Variants in ATRNL1 observed in about 807,000 individuals in gnomAD.
ATRNL1 encodes attractin like 1, also known as attractin-like protein 1.
A neutral mutation model predicts 182.7 loss-of-function variants in ATRNL1; 95 were observed. The observed-to-expected ratio is 0.52, with a 90% CI of 0.44 to 0.62. The LOEUF is 0.62. Ranked by LOEUF, ATRNL1 falls within the 20% of genes least tolerant of loss-of-function variation. ATRNL1 has a pLI of 0.00. For missense variants in ATRNL1, 1,471 were observed against 1,679.5 expected, an observed-to-expected ratio of 0.88 and a Z score of 2.17; for synonymous variants, 576 against 568.3, an observed-to-expected ratio of 1.01 and a Z score of -0.19.
At chr10:115,326,603 C>G (rs79972569) in intron 18 of ATRNL1, among the ~76,000 whole-genome samples, 3 of 151,700 alleles carry the variant, frequency 2.0e-5, no homozygotes, top group Non-Finnish European at 4.4e-5. Context: ...CATATGGAAC[C>G]AAAAAAGAGC....
chr10:115,102,242 C>T lies in ATRNL1; in HGVS notation c.293+8199C>T, dbSNP rs138090837. Among the ~76,000 whole-genome samples, 16 of 152,230 alleles carry T rather than the reference C, an allele frequency of 1.1e-4. No homozygotes were observed. The East Asian group carries it at 3.1e-3, about 29-fold the overall frequency. ...TGATAAACTGAGCCTTTATCGTTAT[C>T]CAATGACCATTTGTTGAAAAGACTA... On this transcript the variant is annotated intron_variant, in intron 1 of 28. Transcript: ENST00000355044.
intron 27 of ATRNL1, among the ~76,000 whole-genome samples, chr10:115,812,724 A>ATCCTCTGTTGATCCTCTGTTGAT (rs1555087388): frequency 6.6e-6 from 1 of 151,738 alleles, no homozygotes; most frequent in African/African-American, 2.4e-5. Context: ...TGATCCACCC[A>ATCCTCTGTTGATCCTCTGTTGAT]CCTCGACCTC....
At chr10:115,311,199 T>TTA (rs1236106536) in intron 17 of ATRNL1, among the ~76,000 whole-genome samples, 2 of 150,392 alleles carry the variant, frequency 1.3e-5, no homozygotes, top group African/African-American at 4.9e-5. Flanking sequence ...ATTTTTTTTT[T>TTA]TTTTTTTTGA....
chr10:115,333,895 A>G (rs1855355261), intron 18 of ATRNL1, among the ~76,000 whole-genome samples: 1 of 152,214 alleles, frequency 6.6e-6, no homozygotes, highest in Non-Finnish European at 1.5e-5. Flanking sequence ...ATGTGTTAAT[A>G]TAATTAAGAT....
rs58743736 is a variant in ATRNL1 at position 115,769,471 on chromosome 10, C to T, written c.3903+42116C>T. Reference sequence around the variant, plus strand: ...GCCAAACAGACATATGTTTGATTCTCATTTCATCCGTAACATGAATATATT... The same window carrying T: ...GCCAAACAGACATATGTTTGATTCTTATTTCATCCGTAACATGAATATATT... On this transcript the variant is annotated intron_variant, in intron 27 of 28. Coordinates refer to ENST00000355044, the MANE Select transcript of ATRNL1 (RefSeq NM_207303.4). Among the ~76,000 whole-genome samples the T allele has an allele frequency of 3.9e-5, 6 of 152,238 alleles. No individual in the cohort carries two copies. In the East Asian group the frequency reaches 1.2e-3, roughly 29 times the overall value.
chr10:115,899,786 A>G (rs1555113274), intron 28 of ATRNL1, among the ~76,000 whole-genome samples: 1 of 152,156 alleles, frequency 6.6e-6, no homozygotes, highest in Non-Finnish European at 1.5e-5. Flanking sequence ...GATTTCCTGT[A>G]ACAAATCATC....
intron 26 of ATRNL1, among the ~76,000 whole-genome samples, chr10:115,661,118 G>A (rs945996009): frequency 1.3e-5 from 2 of 151,958 alleles, no homozygotes; most frequent in African/African-American, 4.8e-5. Flanking sequence ...ATTACCTAGA[G>A]AATACTGGGA....
At chr10:115,274,166 T>C (rs1216556201) in intron 13 of ATRNL1, among the ~76,000 whole-genome samples, 2 of 152,184 alleles carry the variant, frequency 1.3e-5, no homozygotes, top group Non-Finnish European at 2.9e-5. Context: ...GCCACTGATA[T>C]TTCACGTACC....
chr10:115,569,276 C>CCT (rs1815517994), intron 26 of ATRNL1, among the ~76,000 whole-genome samples: 1 of 151,932 alleles, frequency 6.6e-6, no homozygotes, highest in Admixed American at 6.6e-5. Context: ...TTATTTAGTC[C>CCT]CTATAAACAG....
intron 24 of ATRNL1, among the ~76,000 whole-genome samples, chr10:115,474,018 G>GT (rs1263773487): frequency 1.3e-5 from 2 of 151,120 alleles, no homozygotes; most frequent in Non-Finnish European, 3.0e-5. Flanking sequence ...AAAACCAACT[G>GT]TTTATCTTTT....
At chr10:115,197,083 A>G (rs1554891230) in intron 8 of ATRNL1, among the ~76,000 whole-genome samples, 3 of 152,086 alleles carry the variant, frequency 2.0e-5, no homozygotes, top group African/African-American at 7.2e-5. Flanking sequence ...TTTCATGAAC[A>G]GTGTTAAATT....
chr10:115,174,689 A>G (rs1210483399), intron 8 of ATRNL1, among the ~76,000 whole-genome samples: 2 of 151,976 alleles, frequency 1.3e-5, no homozygotes, highest in Admixed American at 6.6e-5. Context: ...TAGACAATAG[A>G]TAAACAAATG....
intron 28 of ATRNL1, among the ~76,000 whole-genome samples, chr10:115,869,961 G>A (rs1951538618): frequency 1.0e-5 from 1 of 95,898 alleles, no homozygotes; most frequent in Non-Finnish European, 1.9e-5. Context: ...GTTGTTCCCA[G>A]ACCTTTTTTT....
intron 8 of ATRNL1, 199 bp downstream of exon 8, chr10:115,171,491 A>T (rs1465149414): frequency 5.9e-5 from 25 of 423,592 alleles, no homozygotes; most frequent in Non-Finnish European, 8.5e-5. Context: ...TTTTAACCAA[A>T]TGAGGGGAAA....
At chr10:115,273,758 A>G (rs1174111130) in intron 13 of ATRNL1, among the ~76,000 whole-genome samples, 2 of 152,196 alleles carry the variant, frequency 1.3e-5, no homozygotes, top group Admixed American at 6.5e-5. Flanking sequence ...TCTTGAAGTG[A>G]TAGGTCAGAC....
intron 26 of ATRNL1, among the ~76,000 whole-genome samples, chr10:115,562,338 T>C (rs896253429): frequency 6.6e-6 from 1 of 152,148 alleles, no homozygotes; most frequent in Non-Finnish European, 1.5e-5. Flanking sequence ...GGAGAATGAT[T>C]GTTAATGGGT....
chr10:115,723,514 C>T (rs1208857391), intron 26 of ATRNL1, among the ~76,000 whole-genome samples: 5 of 133,036 alleles, frequency 3.8e-5, no homozygotes, highest in African/African-American at 5.3e-5. Flanking sequence ...CAAATTTAAG[C>T]GTAGATATTC....
At chr10:115,739,204 C>T (rs1555066995) in intron 27 of ATRNL1, among the ~76,000 whole-genome samples, 1 of 152,102 alleles carries the variant, frequency 6.6e-6, no homozygotes, top group Non-Finnish European at 1.5e-5. Flanking sequence ...CCTGATCAAC[C>T]TTATTCATAC....
chr10:115,859,502 G>C (rs1951262883), intron 28 of ATRNL1, among the ~76,000 whole-genome samples: 1 of 152,146 alleles, frequency 6.6e-6, no homozygotes, highest in Non-Finnish European at 1.5e-5. Context: ...CAGGCAGAAG[G>C]GAACTCCCTA....
Sources: gnomAD v4.1 joint callset for allele counts (sites outside exome capture counted in the v4.1 genomes callset) on GRCh38, gnomAD v4.1.1 for gene constraint, MANE v1.5 for transcripts, NCBI Gene and HGNC (gene_info 2026-07-23, HGNC 2026-07-21) for gene names.